The following RAPH1 variants were observed in gnomAD, a reference collection of about 807,000 sequenced individuals.
RAPH1 encodes the protein ras-associated and pleckstrin homology domains-containing protein 1.
Under a neutral mutation model 88.1 loss-of-function variants are expected in RAPH1, and 18 were observed. That is an observed-to-expected ratio of 0.20 (90% confidence interval 0.14 to 0.30). RAPH1 has a LOEUF of 0.30. RAPH1 is among the 10% of genes least tolerant of loss of function. The pLI, the probability that RAPH1 is intolerant of heterozygous loss-of-function variation, is 1.00. For synonymous variants in RAPH1, 587 were observed against 559.0 expected (o/e 1.05, Z -0.71); for missense variants, 1,448 against 1,543.2 (o/e 0.94, Z 1.03).
rs776982763 is a variant in RAPH1 at position 203,454,503 on chromosome 2, T to A, written c.1340A>T (p.His447Leu). 6.2e-7 allele frequency: 1 copy of A among 1,613,756 alleles called. No individual in the cohort carries two copies. Among genetic ancestry groups the A allele is most frequent in the Admixed American group, 1.7e-5 (1 of 60,000 alleles). Residue 447 changes from histidine to leucine, a missense_variant, in exon 10 of 14, where the codon CAT becomes CTT. His to Leu is a moderately conservative substitution (Grantham distance 99). This residue lies in a region of RAPH1 where 513 missense variants were observed against 653.1 expected (regional missense o/e 0.79). Transcript: ENST00000319170. ...RDLVCFLQLD[H>L]VNVYYGQDYR... Reference sequence around the variant, plus strand: ...GTCCTGGCCATAATAAACGTTGACATGATCCAGCTGGAGAAAGCACACCAG... The same window carrying A: ...GTCCTGGCCATAATAAACGTTGACAAGATCCAGCTGGAGAAAGCACACCAG...
In RAPH1 at chr2:203,436,488, A is replaced by T. The variant is rs969733054; in HGVS notation, c.*2949T>A. On this transcript the variant is annotated 3_prime_UTR_variant, in exon 14 of 14. Transcript: ENST00000319170. ...ATAAACCATAAGTTATTTTACTGAGAATAGATTCTGCTGCCCTACAGCATT... is the reference window on the plus strand; with the variant it reads ...ATAAACCATAAGTTATTTTACTGAGTATAGATTCTGCTGCCCTACAGCATT... 1 of 152,254 alleles carries T rather than the reference A, an allele frequency of 6.6e-6. No individual in the cohort carries two copies. The highest frequency in any genetic ancestry group is 2.4e-5 in the African/African-American group (1 of 41,470). The allele number at this position is 152,254 out of a possible 1,614,324, so 9.4% of individuals were successfully genotyped here.
At chr2:203,470,066 T>C (rs563829759) in intron 4 of RAPH1, among the ~76,000 whole-genome samples, 6 of 152,316 alleles carry the variant, frequency 3.9e-5, no homozygotes, top group African/African-American at 9.6e-5. Context: ...ACTCTCAATA[T>C]TGCCTGACAG....
At chr2:203,458,808 G>C (rs1420677497) in intron 7 of RAPH1, among the ~76,000 whole-genome samples, 2 of 151,766 alleles carry the variant, frequency 1.3e-5, no homozygotes, top group Admixed American at 6.6e-5. Context: ...TGTCACCCAG[G>C]CTGGAGTGCA....
At chr2:203,518,639 A>C (rs1216442932) in intron 1 of RAPH1, among the ~76,000 whole-genome samples, 1 of 152,146 alleles carries the variant, frequency 6.6e-6, no homozygotes, top group African/African-American at 2.4e-5. Flanking sequence ...TGAGGCCAGG[A>C]GTTCAACACC....
At chr2:203,518,557 C>G (rs1386930396) in intron 1 of RAPH1, among the ~76,000 whole-genome samples, 3 of 149,464 alleles carry the variant, frequency 2.0e-5, no homozygotes, top group African/African-American at 7.3e-5. Context: ...AAACAAAAAA[C>G]TACTATAGGC....
Position 203,440,059 on chromosome 2 carries a change from C to G in RAPH1, c.3131G>C (p.Gly1044Ala), listed in dbSNP as rs1380822636. ...AACAGGGGCTTTTGCTGACACACAC[C>G]CTTGTTGGAGAACTCCAGGAAGGTT... is the stretch of plus-strand genomic sequence containing the variant. ...GVNLPGVLQQ[G>A]CVSAKAPVLS... is the part of the protein sequence containing the mutation. Residue 1044 changes from glycine to alanine, a missense_variant, in exon 14 of 14, where the codon GGG becomes GCG. Transcript: ENST00000319170. The G allele has an allele frequency of 6.8e-6, 11 of 1,613,588 alleles. No individual in the cohort carries two copies. The highest frequency in any genetic ancestry group is 9.3e-6 in the Non-Finnish European group (11 of 1,179,986).
chr2:203,487,510 A>G (rs2105814406), intron 4 of RAPH1, among the ~76,000 whole-genome samples: 1 of 152,174 alleles, frequency 6.6e-6, no homozygotes, highest in South Asian at 2.1e-4. Flanking sequence ...CCTCCCGAGC[A>G]GCTGGGATTA....
At chr2:203,472,943 A>T (rs377737797) in intron 4 of RAPH1, among the ~76,000 whole-genome samples, 2 of 152,274 alleles carry the variant, frequency 1.3e-5, no homozygotes, top group South Asian at 4.1e-4. Context: ...ATATTAAGAT[A>T]TTCAAATAGC....
intron 7 of RAPH1, among the ~76,000 whole-genome samples, chr2:203,458,533 T>C (rs2098521677): frequency 6.6e-6 from 1 of 152,180 alleles, no homozygotes. Context: ...ATATAACCTA[T>C]GCACATTCTC....
chr2:203,448,686 T>C lies in RAPH1; in HGVS notation c.1512+52A>G. 1 of 1,277,968 alleles carries C rather than the reference T, an allele frequency of 7.8e-7. No homozygotes were observed. The highest frequency in any genetic ancestry group is 1.1e-6 in the Non-Finnish European group (1 of 906,282). 79.2% of individuals were successfully genotyped at this position (1,277,968 alleles called of 1,614,324 possible). Reference sequence around the variant, plus strand: ...ATAGTTGTCATGAAAACGAAAACTATATCATCGACAAACACCTCATTATTC... The same window carrying C: ...ATAGTTGTCATGAAAACGAAAACTACATCATCGACAAACACCTCATTATTC... On this transcript the variant is annotated intron_variant, in intron 11 of 13. Transcript: ENST00000319170. The surrounding 1 kb of genome is among the most constrained non-coding windows in gnomAD (Gnocchi z 4.1).
At chr2:203,513,045 A>G (rs1328856283) in intron 1 of RAPH1, among the ~76,000 whole-genome samples, 1 of 152,180 alleles carries the variant, frequency 6.6e-6, no homozygotes, top group African/African-American at 2.4e-5. Context: ...CACAATTGAA[A>G]ACGTTAGTTT....
Position 203,448,613 on chromosome 2 carries a change from C to A in RAPH1, c.1512+125G>T. The A allele has an allele frequency of 1.9e-6, 1 of 539,646 alleles. No homozygotes were observed. Among genetic ancestry groups the A allele is most frequent in the Admixed American group, 3.6e-5 (1 of 28,044 alleles). The allele number at this position is 539,646 out of a possible 1,614,324, so 33.4% of individuals were successfully genotyped here. The stretch of plus-strand genomic sequence containing the variant: ...CAACATTTAAAACTTGAAACTTAGG[C>A]CTGAAAAACGTAGGCACTGGCAAAT... On this transcript the variant is annotated intron_variant, in intron 11 of 13. Coordinates refer to ENST00000319170, the MANE Select transcript of RAPH1 (RefSeq NM_213589.3). This position sits in a 1 kb window ranked among gnomAD's most constrained non-coding sequence, Gnocchi z 4.1.
chr2:203,489,139 G>GA (rs11310042), intron 4 of RAPH1, among the ~76,000 whole-genome samples: 1 of 145,268 alleles, frequency 6.9e-6, no homozygotes, highest in African/African-American at 2.5e-5. Flanking sequence ...CCATCTCAAA[G>GA]AAAAAAAAAG....
chr2:203,457,793 A>G (rs1376158576), intron 7 of RAPH1, among the ~76,000 whole-genome samples, 198 bp from the exon 8 acceptor site: 1 of 152,216 alleles, frequency 6.6e-6, no homozygotes. Flanking sequence ...TAAAATGCTT[A>G]ACACCAGTCT....
At chr2:203,442,009 G>T (rs370029579) in intron 13 of RAPH1, 2 of 1,556,494 alleles carry the variant, frequency 1.3e-6, no homozygotes, top group East Asian at 4.6e-5. Flanking sequence ...GTTGGTGTGA[G>T]ACAATTGCAT....
chr2:203,442,292 A>G (rs766764620), intron 13 of RAPH1: 8 of 429,014 alleles, frequency 1.9e-5, no homozygotes, highest in Non-Finnish European at 2.9e-5. Context: ...GGAGCTAATC[A>G]TGCACGATGG....
intron 4 of RAPH1, among the ~76,000 whole-genome samples, chr2:203,469,701 G>C (rs933553234): frequency 1.3e-5 from 2 of 152,198 alleles, no homozygotes; most frequent in African/African-American, 2.4e-5. Flanking sequence ...TACCAGCCCA[G>C]TGAAAATCTG....
In RAPH1 at chr2:203,481,568, AATATATATAT is replaced by A. The variant is rs60650703; in HGVS notation, c.732+8006_732+8015del. Among the ~76,000 whole-genome samples the A allele has an allele frequency of 5.4e-4, 74 of 138,102 alleles. 1 individual carries two copies. The highest frequency in any genetic ancestry group is 1.2e-4 in the Non-Finnish European group (8 of 65,010). The allele number at this position is 138,102 out of a possible 152,430, so 90.6% of individuals were successfully genotyped here. On this transcript the variant is annotated intron_variant, in intron 4 of 13. Coordinates refer to ENST00000319170, the MANE Select transcript of RAPH1 (RefSeq NM_213589.3). ...AGCCCCTATTCATTTTAAATAGATGAATATATATATATATATATATATATATACACATTTT... is the reference window on the plus strand; with the variant it reads ...AGCCCCTATTCATTTTAAATAGATGAATATATATATATATATACACATTTT...
chr2:203,474,843 G>A (rs568318169), intron 4 of RAPH1, among the ~76,000 whole-genome samples: 2 of 152,236 alleles, frequency 1.3e-5, no homozygotes, highest in Admixed American at 6.5e-5. Context: ...GGGAGTGATG[G>A]CTCATGCCTG....
Sources: allele counts gnomAD v4.1 joint callset (sites outside exome capture counted in the v4.1 genomes callset), GRCh38; gene constraint gnomAD v4.1.1; regional missense constraint gnomAD v4.1.1; non-coding constraint Gnocchi (gnomAD v3.1); transcripts MANE v1.5; gene names NCBI Gene and HGNC (gene_info 2026-07-23, HGNC 2026-07-21).